CDCA7L: variants seen among roughly 807,000 people sequenced by gnomAD.
CDCA7L encodes cell division cycle-associated 7-like protein.
In CDCA7L, 44 loss-of-function variants were observed where a neutral mutation model predicts 57.4. That is an observed-to-expected ratio of 0.77 (90% CI 0.60 to 0.98). CDCA7L has a LOEUF of 0.98. Ranked by LOEUF, CDCA7L falls within the 50% of genes least tolerant of loss-of-function variation. The probability of loss-of-function intolerance (pLI) is 0.00; values close to 1 mark genes in which losing one functional copy is unlikely to be tolerated. For synonymous variants in CDCA7L, 236 were observed against 202.8 expected, an observed-to-expected ratio of 1.16 and a Z score of -1.39; for missense variants, 644 against 580.6, an observed-to-expected ratio of 1.11 and a Z score of -1.12.
rs1784837740 is a variant in CDCA7L at position 21,901,402 on chromosome 7, G to GTCAT, written c.*919_*920insATGA. The stretch of plus-strand genomic sequence containing the variant: ...AACGCTATCCTTAGAGTGAAAGTCA[G>GTCAT]AAAAAAATACTAGAAACTAACTCAG... On this transcript the variant is annotated 3_prime_UTR_variant, in exon 10 of 10. Transcript: ENST00000406877. 8.7e-7 allele frequency: 1 copy of GTCAT among 1,154,594 alleles called. No individual in the cohort carries two copies. The allele number at this position is 1,154,594 out of a possible 1,614,324, so 71.5% of individuals were successfully genotyped here. A position where few individuals can be genotyped will look rare whatever the true frequency, so the allele number is the denominator to read the frequency against.
chr7:21,931,484 AATAAAC>A (rs1174196011), intron 1 of CDCA7L, among the ~76,000 whole-genome samples: 1 of 152,248 alleles, frequency 6.6e-6, no homozygotes, highest in Non-Finnish European at 1.5e-5. Flanking sequence ...TATGCAAATC[AATAAAC>A]ATAATCCATC....
At chr7:21,933,178 T>C (rs1161562892) in intron 1 of CDCA7L, among the ~76,000 whole-genome samples, 5 of 152,024 alleles carry the variant, frequency 3.3e-5, no homozygotes, top group Admixed American at 6.6e-5. Context: ...TGTGGAGAAA[T>C]AGGAATGCTT....
intron 1 of CDCA7L, among the ~76,000 whole-genome samples, chr7:21,919,262 A>T (rs186129857): frequency 6.6e-6 from 1 of 152,124 alleles, no homozygotes; most frequent in Non-Finnish European, 1.5e-5. Flanking sequence ...ATTTCTAAAA[A>T]TTATTATTAA....
At chr7:21,929,121 T>C (rs565546123) in intron 1 of CDCA7L, among the ~76,000 whole-genome samples, 32 of 152,272 alleles carry the variant, frequency 2.1e-4, no homozygotes, top group South Asian at 6.2e-4. Flanking sequence ...GCAGAAACCC[T>C]ACAAGCCAGA....
At chr7:21,915,291 G>A (rs567519142) in intron 2 of CDCA7L, among the ~76,000 whole-genome samples, 110 of 152,246 alleles carry the variant, frequency 7.2e-4, no homozygotes, top group Non-Finnish European at 1.5e-3. Context: ...AAGGGAAGGA[G>A]AAGTGAGTTT....
At chr7:21,928,859 G>A (rs1785907113) in intron 1 of CDCA7L, among the ~76,000 whole-genome samples, 1 of 152,080 alleles carries the variant, frequency 6.6e-6, no homozygotes, top group East Asian at 1.9e-4. Context: ...CGAGGAGAAT[G>A]GAACCAAATT....
intron 1 of CDCA7L, among the ~76,000 whole-genome samples, chr7:21,934,266 T>C (rs113567904): frequency 0.046 from 6,942 of 152,234 alleles, 262 homozygotes; most frequent in Non-Finnish European, 0.056. Flanking sequence ...TAATTCCTGA[T>C]CTCAATTACA....
chr7:21,940,390 C>T, intron 1 of CDCA7L: 3 of 675,538 alleles, frequency 4.4e-6, no homozygotes, highest in Non-Finnish European at 5.5e-6. Context: ...GCCCTTCCAT[C>T]CATTCAATGG....
intron 1 of CDCA7L, among the ~76,000 whole-genome samples, chr7:21,918,730 T>G (rs1785565131): frequency 6.6e-6 from 1 of 152,242 alleles, no homozygotes; most frequent in African/African-American, 2.4e-5. Flanking sequence ...GTTCTTCCTT[T>G]GGAAAGCACA....
intron 2 of CDCA7L, among the ~76,000 whole-genome samples, chr7:21,915,667 A>ACC (rs1785462589): frequency 6.8e-6 from 1 of 146,174 alleles, no homozygotes; most frequent in Non-Finnish European, 1.5e-5. Flanking sequence ...AAACACACAC[A>ACC]CACACACAAA....
At chr7:21,922,931 G>A (rs1389751152) in intron 1 of CDCA7L, among the ~76,000 whole-genome samples, 3 of 152,188 alleles carry the variant, frequency 2.0e-5, no homozygotes, top group South Asian at 2.1e-4. Context: ...AACCAAGAAC[G>A]GTATGATTCT....
intron 1 of CDCA7L, among the ~76,000 whole-genome samples, chr7:21,934,744 A>G (rs1485269823): frequency 6.6e-6 from 1 of 152,324 alleles, no homozygotes; most frequent in Non-Finnish European, 1.5e-5. Context: ...TACTCGATGC[A>G]AATAATAACC....
rs773871310 is a variant in CDCA7L at position 21,945,815 on chromosome 7, C to T, written c.-11G>A. The T allele has an allele frequency of 6.3e-7, 1 of 1,598,536 alleles. No homozygotes were observed. Among genetic ancestry groups the T allele is most frequent in the South Asian group, 1.1e-5 (1 of 88,808 alleles). On this transcript the variant is annotated 5_prime_UTR_variant, in exon 1 of 10. Coordinates refer to ENST00000406877, the MANE Select transcript of CDCA7L (RefSeq NM_018719.5). The stretch of plus-strand genomic sequence containing the variant: ...AGTCGCCAACTCCATTCTTCCTAAC[C>T]GGGCTCCAGTCTCCTCCCAGCACGC...
Position 21,902,226 on chromosome 7 carries a change from AAC to A in CDCA7L, c.*94_*95del. On this transcript the variant is annotated 3_prime_UTR_variant, in exon 10 of 10. Coordinates refer to ENST00000406877, the MANE Select transcript of CDCA7L (RefSeq NM_018719.5). Reference sequence around the variant, plus strand: ...TTTCTACAAAGAATTTCTGTATAAAAACACAACTGTAAAAAAATCTTTCTTAG... The same window carrying A: ...TTTCTACAAAGAATTTCTGTATAAAAACAACTGTAAAAAAATCTTTCTTAG... 1.8e-6 allele frequency: 2 copies of A among 1,106,252 alleles called. No individual in the cohort carries two copies. The highest frequency in any genetic ancestry group is 2.7e-6 in the Non-Finnish European group (2 of 744,790). 68.5% of individuals were successfully genotyped at this position (1,106,252 alleles called of 1,614,324 possible). A position where few individuals can be genotyped will look rare whatever the true frequency, so the allele number is the denominator to read the frequency against.
chr7:21,918,460 T>A (rs1367245437), intron 1 of CDCA7L, among the ~76,000 whole-genome samples: 1 of 152,234 alleles, frequency 6.6e-6, no homozygotes, highest in African/African-American at 2.4e-5. Context: ...TGCATCATGA[T>A]CCAAATAAGG....
chr7:21,928,612 A>G (rs1785898565), intron 1 of CDCA7L, among the ~76,000 whole-genome samples: 1 of 151,964 alleles, frequency 6.6e-6, no homozygotes. Flanking sequence ...AACATAAATG[A>G]CCTGATGGAG....
intron 1 of CDCA7L, among the ~76,000 whole-genome samples, chr7:21,934,877 T>G (rs559257661): frequency 6.6e-6 from 1 of 152,302 alleles, no homozygotes; most frequent in South Asian, 2.1e-4. Context: ...ATTATAAATA[T>G]ATACACACAC....
chr7:21,937,696 A>G (rs190727624), intron 1 of CDCA7L, among the ~76,000 whole-genome samples: 250 of 152,286 alleles, frequency 1.6e-3, no homozygotes, highest in Non-Finnish European at 3.1e-3. Context: ...CCTGACTTCA[A>G]TACTTACTAC....
At chr7:21,930,847 G>C (rs1438662157) in intron 1 of CDCA7L, among the ~76,000 whole-genome samples, 8 of 151,914 alleles carry the variant, frequency 5.3e-5, no homozygotes, top group Admixed American at 5.3e-4. Context: ...ATGAATCCAG[G>C]AGTTGGTTTT....
Sources: gnomAD v4.1 joint callset for allele counts (sites outside exome capture counted in the v4.1 genomes callset) on GRCh38, gnomAD v4.1.1 for gene constraint, MANE v1.5 for transcripts, NCBI Gene and HGNC (gene_info 2026-07-23, HGNC 2026-07-21) for gene names.